Variants in AKR1E2 observed in about 807,000 individuals in gnomAD.
The protein encoded by AKR1E2 is 1,5-anhydro-D-fructose reductase.
In AKR1E2, 43 loss-of-function variants were observed where a neutral mutation model predicts 41.9. The observed-to-expected ratio is 1.03, with a 90% CI of 0.80 to 1.32. The LOEUF (loss-of-function observed/expected upper bound fraction) is 1.32, where lower values mean the gene tolerates loss of function less well. Among genes scored for constraint, AKR1E2 ranks in the 40% most tolerant of loss-of-function variants. The pLI, the probability that AKR1E2 is intolerant of heterozygous loss-of-function variation, is 0.00. For missense variants in AKR1E2, 423 were observed against 396.5 expected (o/e 1.07, Z -0.57); for synonymous variants, 121 against 138.9 (o/e 0.87, Z 0.91).
the AKR1E2 span, among the ~76,000 whole-genome samples, chr10:4,869,588 T>C: frequency 6.6e-6 from 1 of 152,074 alleles, no homozygotes; most frequent in African/African-American, 2.4e-5. Flanking sequence ...CTACCTTTTC[T>C]AGGTTCTTGA....
chr10:4,863,583 T>C, the AKR1E2 span, among the ~76,000 whole-genome samples: 1 of 151,920 alleles, frequency 6.6e-6, no homozygotes, highest in Non-Finnish European at 1.5e-5. Context: ...ATTCAAAAGC[T>C]AGCAGAAGGC....
intron 8 of AKR1E2, among the ~76,000 whole-genome samples, chr10:4,842,950 G>A (rs1391110314): frequency 6.6e-6 from 1 of 152,184 alleles, no homozygotes; most frequent in Non-Finnish European, 1.5e-5. Flanking sequence ...GCTTTGAGTT[G>A]TGTGGGAAGA....
downstream of AKR1E2, among the ~76,000 whole-genome samples, chr10:4,851,430 C>T (rs1357453930): frequency 2.6e-5 from 4 of 152,218 alleles, no homozygotes; most frequent in Non-Finnish European, 5.9e-5. Context: ...CACTAGGAGG[C>T]TAGAGCTGGA....
In AKR1E2 at chr10:4,847,189, C is replaced by T. The variant is rs1424309453; in HGVS notation, c.879C>T (p.Ile293=). 1 of 1,614,194 alleles carries T rather than the reference C, an allele frequency of 6.2e-7. No homozygotes were observed. Residue 293 remains isoleucine (I), a synonymous_variant, in exon 9 of 10, where the codon ATC becomes ATT. Transcript: ENST00000298375. Reference sequence around the variant, plus strand: ...TAACACAGCACGATATGGATAACATCCTCAGCCTAAACAGGAATCTCCGAC... The same window carrying T: ...TAACACAGCACGATATGGATAACATTCTCAGCCTAAACAGGAATCTCCGAC... ...FELTQHDMDN[I]LSLNRNLRLA...
chr10:4,830,788 T>C lies in AKR1E2; in HGVS notation c.153T>C (p.Arg51=), dbSNP rs770847543. 1 of 1,614,064 alleles carries C rather than the reference T, an allele frequency of 6.2e-7. No homozygotes were observed. The highest frequency in any genetic ancestry group is 8.5e-7 in the Non-Finnish European group (1 of 1,179,994). Residue 51 remains arginine, a synonymous_variant, in exon 2 of 10, where the codon CGT becomes CGC. Coordinates refer to ENST00000298375, the MANE Select transcript of AKR1E2 (RefSeq NM_001040177.3). ...HNEREVGAGI[R]CKIKEGAVRR... is the part of the protein sequence containing the mutation. Reference sequence around the variant, plus strand: ...AGAGGGAGGTTGGAGCAGGGATCCGTTGCAAGATCAAGGAAGGCGCTGTAA... The same window carrying C: ...AGAGGGAGGTTGGAGCAGGGATCCGCTGCAAGATCAAGGAAGGCGCTGTAA...
intron 8 of AKR1E2, among the ~76,000 whole-genome samples, chr10:4,846,529 G>A (rs1484306328): frequency 4.0e-5 from 6 of 151,826 alleles, no homozygotes; most frequent in Admixed American, 2.6e-4. Context: ...CAGAGTCAGT[G>A]GGAAAAATTC....
chr10:4,854,864 C>T, the AKR1E2 span, among the ~76,000 whole-genome samples: 1 of 152,048 alleles, frequency 6.6e-6, no homozygotes, highest in Non-Finnish European at 1.5e-5. Context: ...GTTAGAGGCC[C>T]CTCTGGGTAA....
chr10:4,860,172 C>T, the AKR1E2 span, among the ~76,000 whole-genome samples: 136,214 of 152,252 alleles, frequency 0.89, 61,823 homozygotes, highest in East Asian at 0.98. Context: ...GGCCAGTGAA[C>T]TTAAACTTTA....
At chr10:4,842,389 T>G (rs766128031) in intron 7 of AKR1E2, 32 bp from the exon 8 acceptor site, 2 of 1,594,670 alleles carry the variant, frequency 1.3e-6, no homozygotes, top group South Asian at 2.2e-5. Context: ...GATTTCCCTT[T>G]GTGTGATAGT....
At chr10:4,840,267 G>T (rs1833767550) in intron 6 of AKR1E2, among the ~76,000 whole-genome samples, 1 of 152,178 alleles carries the variant, frequency 6.6e-6, no homozygotes, top group African/African-American at 2.4e-5. Flanking sequence ...AGCCACCTAA[G>T]CCAGAAGCTT....
intron 5 of AKR1E2, 111 bp downstream of exon 5, chr10:4,837,692 T>C (rs1254344297): frequency 2.0e-6 from 3 of 1,470,310 alleles, no homozygotes; most frequent in Non-Finnish European, 2.7e-6. Context: ...AAAACAGGCC[T>C]GTTCTCCTCT....
upstream of AKR1E2, chr10:4,826,145 A>G (rs1051381782): frequency 3.6e-5 from 16 of 449,182 alleles, no homozygotes; most frequent in Non-Finnish European, 4.7e-5. Context: ...CCGGCGCGCG[A>G]CACCAGCAGC....
the AKR1E2 span, among the ~76,000 whole-genome samples, chr10:4,859,709 T>A: frequency 6.6e-6 from 1 of 152,248 alleles, no homozygotes; most frequent in Non-Finnish European, 1.5e-5. Flanking sequence ...GTCAGATCTC[T>A]CTTTAGATAT....
At chr10:4,867,173 A>G in the AKR1E2 span, among the ~76,000 whole-genome samples, 2 of 152,226 alleles carry the variant, frequency 1.3e-5, no homozygotes, top group African/African-American at 4.8e-5. Flanking sequence ...GACAACTTGG[A>G]GGTTAGAAGC....
the AKR1E2 span, among the ~76,000 whole-genome samples, chr10:4,862,725 C>G: frequency 1.3e-5 from 2 of 152,016 alleles, no homozygotes; most frequent in African/African-American, 4.8e-5. Context: ...TGATTTGGCT[C>G]TCCGTTAGAC....
intron 8 of AKR1E2, among the ~76,000 whole-genome samples, chr10:4,842,824 C>G (rs944046089): frequency 3.9e-5 from 6 of 152,166 alleles, no homozygotes; most frequent in African/African-American, 1.4e-4. Flanking sequence ...GCTGCGCTCG[C>G]CCACAGGGGA....
chr10:4,837,775 G>A (rs1278036833), intron 5 of AKR1E2, among the ~76,000 whole-genome samples, 194 bp downstream of exon 5: 2 of 152,234 alleles, frequency 1.3e-5, no homozygotes, highest in Non-Finnish European at 2.9e-5. Context: ...CTGGGTAGAT[G>A]GTACTGTTGG....
chr10:4,830,967 C>T (rs1832924045), intron 2 of AKR1E2, 125 bp downstream of exon 2: 12 of 1,199,904 alleles, frequency 1.0e-5, no homozygotes, highest in African/African-American at 1.5e-5. Flanking sequence ...CAAGAATATT[C>T]ACAGCTTCAT....
the AKR1E2 span, among the ~76,000 whole-genome samples, chr10:4,858,302 GA>G: frequency 1.3e-5 from 2 of 151,992 alleles, no homozygotes; most frequent in South Asian, 2.1e-4. Flanking sequence ...CATATATGAA[GA>G]AAAAAAGGAA....
Sources: allele counts gnomAD v4.1 joint callset (sites outside exome capture counted in the v4.1 genomes callset), GRCh38; gene constraint gnomAD v4.1.1; transcripts MANE v1.5; gene names NCBI Gene and HGNC (gene_info 2026-07-23, HGNC 2026-07-21).